The following PCDH15 variants were observed in gnomAD, a reference collection of about 807,000 sequenced individuals.
The protein encoded by PCDH15 is protocadherin-15.
PCDH15 carries 129 observed loss-of-function variants against 178.5 expected under a neutral mutation model. That is an observed-to-expected ratio of 0.72 (90% confidence interval 0.63 to 0.84). The LOEUF (loss-of-function observed/expected upper bound fraction) is 0.84. Among genes scored for constraint, PCDH15 ranks in the 40% least tolerant of loss-of-function variants. The pLI, the probability that PCDH15 is intolerant of heterozygous loss-of-function variation, is 0.00. For synonymous variants in PCDH15, 800 were observed against 732.0 expected (o/e 1.09, Z -1.50); for missense variants, 2,230 against 2,099.9 (o/e 1.06, Z -1.21).
chr10:55,506,820 AT>A (rs925370789), intron 2 of PCDH15, among the ~76,000 whole-genome samples: 1 of 151,480 alleles, frequency 6.6e-6, no homozygotes, highest in Non-Finnish European at 1.5e-5. Flanking sequence ...TTCATAATAC[AT>A]TTTTTAACCC....
At chr10:54,284,467 A>G (rs1233007099) in intron 8 of PCDH15, among the ~76,000 whole-genome samples, 1 of 152,198 alleles carries the variant, frequency 6.6e-6, no homozygotes, top group African/African-American at 2.4e-5. Context: ...TATATTAACA[A>G]TGTGACACTT....
At chr10:54,717,442 T>C (rs1720309560) in intron 1 of PCDH15, among the ~76,000 whole-genome samples, 1 of 143,842 alleles carries the variant, frequency 7.0e-6, no homozygotes, top group Admixed American at 7.1e-5. Flanking sequence ...CATCAAAAAG[T>C]GGGCAAAGGA....
intron 1 of PCDH15, among the ~76,000 whole-genome samples, chr10:55,228,881 A>G: frequency 6.6e-6 from 1 of 151,948 alleles, no homozygotes; most frequent in East Asian, 1.9e-4. Context: ...TACTCCCATC[A>G]CAATACCTTA....
chr10:54,099,686 A>G (rs557538734), intron 15 of PCDH15, among the ~76,000 whole-genome samples: 80 of 151,878 alleles, frequency 5.3e-4, no homozygotes, highest in South Asian at 1.5e-3. Context: ...AATAGACAAA[A>G]ACAAAGCATT....
intron 2 of PCDH15, among the ~76,000 whole-genome samples, chr10:55,420,205 A>G (rs993125167): frequency 2.0e-5 from 3 of 151,708 alleles, no homozygotes; most frequent in African/African-American, 7.3e-5. Flanking sequence ...TTTGTGTGTC[A>G]ATAAAGTTTT....
chr10:54,872,479 A>AT (rs1564589684), intron 3 of PCDH15, among the ~76,000 whole-genome samples: 2 of 152,138 alleles, frequency 1.3e-5, no homozygotes. Context: ...ATACTGATAC[A>AT]TTTTTATATG....
At chr10:54,746,639 A>G (rs1945500771) in intron 1 of PCDH15, among the ~76,000 whole-genome samples, 1 of 152,214 alleles carries the variant, frequency 6.6e-6, no homozygotes, top group Non-Finnish European at 1.5e-5. Context: ...AAAGGTTTCT[A>G]TGACTCATGT....
chr10:54,295,896 G>A (rs895578576), intron 8 of PCDH15, among the ~76,000 whole-genome samples: 1 of 151,226 alleles, frequency 6.6e-6, no homozygotes, highest in African/African-American at 2.5e-5. Context: ...TGTAATCCCA[G>A]CACTTTGGGA....
chr10:53,994,184 A>G (rs1157415886), intron 21 of PCDH15, among the ~76,000 whole-genome samples: 1 of 152,224 alleles, frequency 6.6e-6, no homozygotes, highest in Non-Finnish European at 1.5e-5. Context: ...CAGGCACCAC[A>G]GTCATTACTA....
chr10:53,957,933 G>A (rs1486267189), intron 23 of PCDH15, among the ~76,000 whole-genome samples: 1 of 152,070 alleles, frequency 6.6e-6, no homozygotes, highest in Non-Finnish European at 1.5e-5. Flanking sequence ...TTTACATCTC[G>A]ATGATTTACA....
intron 1 of PCDH15, among the ~76,000 whole-genome samples, chr10:55,305,241 C>A (rs543042308): frequency 2.2e-4 from 34 of 152,212 alleles, no homozygotes; most frequent in Non-Finnish European, 4.1e-4. Context: ...ATGACTAGCT[C>A]ATGACCCACC....
At chr10:53,900,365 G>A (rs1367045818) in intron 26 of PCDH15, among the ~76,000 whole-genome samples, 3 of 152,026 alleles carry the variant, frequency 2.0e-5, no homozygotes, top group Non-Finnish European at 4.4e-5. Context: ...CCCACTGATA[G>A]TTTGAAGGGG....
chr10:54,770,575 T>G (rs1948981271), intron 1 of PCDH15, among the ~76,000 whole-genome samples: 1 of 152,096 alleles, frequency 6.6e-6, no homozygotes. Context: ...GATATGTACC[T>G]GCCTAGCATA....
rs931735379 is a variant in PCDH15 at position 54,567,544 on chromosome 10, T to A, written c.92-39667A>T. On this transcript the variant is annotated intron_variant, in intron 2 of 37. Transcript: ENST00000644397. ...CCATTATGAAATAGTTGTATTTTTA[T>A]TGTGTTATAAAATCAAATCATAATT... Among the ~76,000 whole-genome samples, 5 of 152,154 alleles carry A rather than the reference T, an allele frequency of 3.3e-5. 1 individual carries two copies. Among genetic ancestry groups the A allele is most frequent in the African/African-American group, 1.2e-4 (5 of 41,466 alleles).
intron 3 of PCDH15, among the ~76,000 whole-genome samples, chr10:54,832,192 A>G (rs1448375677): frequency 1.3e-5 from 2 of 152,102 alleles, no homozygotes; most frequent in African/African-American, 2.4e-5. Context: ...TAACATAAAG[A>G]GACTGATTTG....
At chr10:54,968,499 T>C (rs1021802875) in intron 2 of PCDH15, among the ~76,000 whole-genome samples, 1 of 152,158 alleles carries the variant, frequency 6.6e-6, no homozygotes, top group Non-Finnish European at 1.5e-5. Flanking sequence ...TACCTTGTAT[T>C]GTTCCAGATG....
At chr10:55,479,592 C>A (rs59618412) in intron 2 of PCDH15, among the ~76,000 whole-genome samples, 2,904 of 151,676 alleles carry the variant, frequency 0.019, 94 homozygotes, top group African/African-American at 0.066. Flanking sequence ...AGTTTTACTT[C>A]TGAAATCTAG....
chr10:54,371,425 T>G lies in PCDH15; in HGVS notation c.319-2150A>C, dbSNP rs139341289. Among the ~76,000 whole-genome samples the G allele has an allele frequency of 2.0e-5, 3 of 151,848 alleles. No homozygotes were observed. In the East Asian group the frequency reaches 5.8e-4, roughly 29 times the overall value. On this transcript the variant is annotated intron_variant, in intron 4 of 37. Coordinates refer to ENST00000644397, the MANE Select transcript of PCDH15 (RefSeq NM_001384140.1). ...ATTTTACAGGTGCATAGAAGAGAAATTTGAACACTTTTGAGAATGTATAAA... is the reference window on the plus strand; with the variant it reads ...ATTTTACAGGTGCATAGAAGAGAAAGTTGAACACTTTTGAGAATGTATAAA...
At chr10:54,769,887 G>C (rs531968046) in intron 1 of PCDH15, among the ~76,000 whole-genome samples, 15 of 152,222 alleles carry the variant, frequency 9.9e-5, no homozygotes, top group Non-Finnish European at 4.4e-5. Flanking sequence ...CTTTTTGTCT[G>C]TAGTTCTCAA....
Sources: gnomAD v4.1 joint callset for allele counts (sites outside exome capture counted in the v4.1 genomes callset) on GRCh38, gnomAD v4.1.1 for gene constraint, MANE v1.5 for transcripts, NCBI Gene and HGNC (gene_info 2026-07-23, HGNC 2026-07-21) for gene names.